The following IGF1 variants were observed in gnomAD, a reference collection of about 807,000 sequenced individuals.
IGF1 encodes insulin like growth factor 1.
In IGF1, 4 loss-of-function variants were observed where a neutral mutation model predicts 13.8. The ratio of observed to expected loss-of-function variants is 0.29; its 90% confidence interval spans 0.14 to 0.66. The LOEUF (loss-of-function observed/expected upper bound fraction) is 0.66, where lower values mean the gene tolerates loss of function less well. Among genes scored for constraint, IGF1 ranks in the 30% least tolerant of loss-of-function variants. The pLI is 0.78. For synonymous variants in IGF1, 76 were observed against 72.6 expected, an observed-to-expected ratio of 1.05 and a Z score of -0.23; for missense variants, 124 against 188.5, an observed-to-expected ratio of 0.66 and a Z score of 2.00.
chr12:102,439,655 A>C (rs1265719936), intron 2 of IGF1, among the ~76,000 whole-genome samples: 1 of 151,810 alleles, frequency 6.6e-6, no homozygotes, highest in Non-Finnish European at 1.5e-5. Flanking sequence ...GTGGGAACTC[A>C]GATTTCATTC....
At chr12:102,431,875 G>A (rs193177296) in intron 2 of IGF1, among the ~76,000 whole-genome samples, 47 of 152,230 alleles carry the variant, frequency 3.1e-4, no homozygotes, top group South Asian at 6.2e-4. Context: ...GTGCACTTCC[G>A]CAGTTTAGGA....
intron 2 of IGF1, among the ~76,000 whole-genome samples, chr12:102,432,527 A>G (rs1876828562): frequency 6.6e-6 from 1 of 152,238 alleles, no homozygotes; most frequent in African/African-American, 2.4e-5. Context: ...AATTATATCC[A>G]GATTTTCTCC....
At chr12:102,427,851 G>A (rs1406604258) in intron 2 of IGF1, among the ~76,000 whole-genome samples, 1 of 152,152 alleles carries the variant, frequency 6.6e-6, no homozygotes, top group African/African-American at 2.4e-5. Context: ...GGGCGAGTGG[G>A]AGGAGATGGT....
At chr12:102,461,322 G>A (rs142568469) in intron 2 of IGF1, among the ~76,000 whole-genome samples, 11 of 152,254 alleles carry the variant, frequency 7.2e-5, no homozygotes, top group Non-Finnish European at 1.3e-4. Context: ...GTAAAGACCC[G>A]AAGCCAGCTG....
intron 3 of IGF1, among the ~76,000 whole-genome samples, chr12:102,407,421 A>C (rs1328922643): frequency 6.6e-6 from 1 of 152,192 alleles, no homozygotes; most frequent in Non-Finnish European, 1.5e-5. Flanking sequence ...TAAATTGCAT[A>C]TATTTTCTTG....
intron 2 of IGF1, among the ~76,000 whole-genome samples, chr12:102,430,686 C>A (rs1876659862): frequency 6.6e-6 from 1 of 152,176 alleles, no homozygotes; most frequent in African/African-American, 2.4e-5. Context: ...ATTTATTTTT[C>A]TTCTCAAACG....
chr12:102,441,908 T>TGCTGCTTCTTCTTCTTCTTCC, intron 2 of IGF1, among the ~76,000 whole-genome samples: 1 of 109,460 alleles, frequency 9.1e-6, no homozygotes, highest in South Asian at 3.1e-4. Flanking sequence ...ATTACACTGC[T>TGCTGCTTCTTCTTCTTCTTCC]TCTTCTCCTT....
intron 3 of IGF1, among the ~76,000 whole-genome samples, chr12:102,418,631 T>C (rs1328190084): frequency 2.0e-5 from 3 of 152,284 alleles, no homozygotes; most frequent in Non-Finnish European, 4.4e-5. Flanking sequence ...CCTTGCCTTC[T>C]CTTTTTCCTC....
chr12:102,442,521 G>A (rs1486185611), intron 2 of IGF1, among the ~76,000 whole-genome samples: 1 of 152,044 alleles, frequency 6.6e-6, no homozygotes, highest in Non-Finnish European at 1.5e-5. Context: ...CATGCTCTTT[G>A]CATTTTAAAA....
At chr12:102,444,847 A>G (rs1479917540) in intron 2 of IGF1, among the ~76,000 whole-genome samples, 2 of 152,102 alleles carry the variant, frequency 1.3e-5, no homozygotes, top group African/African-American at 4.8e-5. Flanking sequence ...AAAGCAGAAT[A>G]TACTTGATTG....
chr12:102,480,465 G>A lies in IGF1; in HGVS notation c.-84C>T. 3 of 1,602,934 alleles carry A rather than the reference G, an allele frequency of 1.9e-6. No individual in the cohort carries two copies. Among genetic ancestry groups the A allele is most frequent in the Non-Finnish European group, 2.6e-6 (3 of 1,175,374 alleles). Reference sequence around the variant, plus strand: ...GAAATCCAGAGAGATGGGAGATGTTGAGAGCAATGTCACATTTCAATTTTG... The same window carrying A: ...GAAATCCAGAGAGATGGGAGATGTTAAGAGCAATGTCACATTTCAATTTTG... On this transcript the variant is annotated 5_prime_UTR_variant, in exon 1 of 4. Coordinates refer to ENST00000337514, the MANE Select transcript of IGF1 (RefSeq NM_000618.5).
intron 2 of IGF1, among the ~76,000 whole-genome samples, chr12:102,427,310 A>G (rs1394542630): frequency 1.3e-5 from 2 of 151,896 alleles, no homozygotes; most frequent in East Asian, 3.9e-4. Context: ...TTACACTCTT[A>G]TTGTTATTTT....
chr12:102,423,259 G>GAAAAA (rs138450873), intron 2 of IGF1: 8 of 43,156 alleles, frequency 1.9e-4, no homozygotes, highest in Non-Finnish European at 2.3e-4. Context: ...TCGATGCTAC[G>GAAAAA]AAAAAAAAAA....
intron 3 of IGF1, among the ~76,000 whole-genome samples, chr12:102,410,001 G>A (rs557705237): frequency 6.6e-6 from 1 of 152,306 alleles, no homozygotes; most frequent in East Asian, 1.9e-4. Context: ...TGAGTGCTGG[G>A]AGAGTGGACT....
intron 2 of IGF1, among the ~76,000 whole-genome samples, chr12:102,432,952 G>T (rs1391894040): frequency 6.6e-6 from 1 of 152,152 alleles, no homozygotes; most frequent in African/African-American, 2.4e-5. Flanking sequence ...TTTCTTCTCT[G>T]GGGTAGGGAG....
chr12:102,420,258 C>A (rs1053534459), intron 2 of IGF1, among the ~76,000 whole-genome samples: 4 of 152,168 alleles, frequency 2.6e-5, no homozygotes, highest in African/African-American at 7.2e-5. Context: ...GTCGTGGAGT[C>A]AAGATGCAAA....
At chr12:102,477,850 A>C (rs1379573021) in intron 1 of IGF1, among the ~76,000 whole-genome samples, 1 of 152,188 alleles carries the variant, frequency 6.6e-6, no homozygotes, top group Non-Finnish European at 1.5e-5. Flanking sequence ...AAATTACTCA[A>C]GTTATAGCCT....
In IGF1 at chr12:102,419,522, G is replaced by T. The variant is rs1436683139; in HGVS notation, c.389C>A (p.Pro130His). Reference sequence around the variant, plus strand: ...AGGTGGGCTTACCTTCTGGGTCTTGGGCATGTCGGTGTGGCGCTGGGCACG... The same window carrying T: ...AGGTGGGCTTACCTTCTGGGTCTTGTGCATGTCGGTGTGGCGCTGGGCACG... ...SVRAQRHTDM[P>H]KTQKEVHLKN... Residue 130 changes from proline (P) to histidine (H), a missense_variant, in exon 3 of 4, where the codon CCC (proline) becomes CAC (histidine). Around this residue, in one of 2 missense-constraint regions of IGF1, gnomAD observed 25 missense variants for 17.1 expected, o/e 1.47. Coordinates refer to ENST00000337514, the MANE Select transcript of IGF1 (RefSeq NM_000618.5). 3 of 1,613,086 alleles carry T rather than the reference G, an allele frequency of 1.9e-6. No individual in the cohort carries two copies. Among genetic ancestry groups the T allele is most frequent in the African/African-American group, 2.7e-5 (2 of 74,868 alleles).
intron 2 of IGF1, among the ~76,000 whole-genome samples, chr12:102,447,075 C>T (rs1423545942): frequency 6.6e-6 from 1 of 152,166 alleles, no homozygotes; most frequent in Admixed American, 6.5e-5. Flanking sequence ...TTTGATTGCA[C>T]TGTGGTTGGA....
Sources: gnomAD v4.1 joint callset for allele counts (sites outside exome capture counted in the v4.1 genomes callset) on GRCh38, gnomAD v4.1.1 for gene constraint, gnomAD v4.1.1 regional missense constraint, MANE v1.5 for transcripts, NCBI Gene and HGNC (gene_info 2026-07-23, HGNC 2026-07-21) for gene names.